Variants in DNAJC11 observed in about 807,000 individuals in gnomAD.
DNAJC11 encodes DnaJ heat shock protein family (Hsp40) member C11, also known as dnaJ homolog subfamily C member 11.
DNAJC11 carries 15 observed loss-of-function variants against 78.6 expected under a neutral mutation model. That is an observed-to-expected ratio of 0.19 (90% confidence interval 0.13 to 0.29). The LOEUF is 0.29. DNAJC11 is among the 10% of genes least tolerant of loss of function. The pLI, the probability that DNAJC11 is intolerant of heterozygous loss-of-function variation, is 1.00. For synonymous variants in DNAJC11, 292 were observed against 272.1 expected (o/e 1.07, Z -0.72); for missense variants, 547 against 709.6 (o/e 0.77, Z 2.60).
At chr1:6,649,330 C>T (rs1354632008) in intron 7 of DNAJC11, among the ~76,000 whole-genome samples, 2 of 151,982 alleles carry the variant, frequency 1.3e-5, no homozygotes, top group African/African-American at 4.8e-5. Flanking sequence ...CCACCGCTCC[C>T]GGCTAATTCT....
rs1040188589 is a variant in DNAJC11 at position 6,681,705 on chromosome 1, T to TG, written c.73-669dup. Among the ~76,000 whole-genome samples, 313 of 150,918 alleles carry TG rather than the reference T, an allele frequency of 2.1e-3. 1 individual carries two copies. Among genetic ancestry groups the TG allele is most frequent in the Middle Eastern group, 6.8e-3 (2 of 292 alleles). ...GGGCTCTGGTGTGCTTTAACCACAG[T>TG]GGGGGGGGCGGGTGCCAATGAGGCA... On this transcript the variant is annotated intron_variant, in intron 1 of 15. Transcript: ENST00000377577.
chr1:6,697,654 C>G (rs918474830), intron 1 of DNAJC11, among the ~76,000 whole-genome samples: 15 of 152,298 alleles, frequency 9.8e-5, no homozygotes, highest in African/African-American at 3.6e-4. Context: ...AAGCCACAGA[C>G]CAGTACTGGT....
rs77871375 is a variant in DNAJC11, at chr1:6,691,458, C to T, written c.72+10271G>A. Among the ~76,000 whole-genome samples, 1,106 of 152,186 alleles carry T rather than the reference C, an allele frequency of 7.3e-3. 9 individuals carry two copies. The highest frequency in any genetic ancestry group is 0.025 in the African/African-American group (1,039 of 41,500). Reference sequence around the variant, plus strand: ...TGAGACTAATAGAAAATCAAAAGGCCCCAGTCTCTAGAAACAAGCTCCAGA... The same window carrying T: ...TGAGACTAATAGAAAATCAAAAGGCTCCAGTCTCTAGAAACAAGCTCCAGA... On this transcript the variant is annotated intron_variant, in intron 1 of 15. Transcript: ENST00000377577.
intron 10 of DNAJC11, among the ~76,000 whole-genome samples, chr1:6,640,571 C>T (rs1011508687): frequency 6.6e-6 from 1 of 152,144 alleles, no homozygotes; most frequent in African/African-American, 2.4e-5. Context: ...GTGGCTCACG[C>T]CTGTAATCCC....
chr1:6,698,203 CT>C (rs1241417748), intron 1 of DNAJC11, among the ~76,000 whole-genome samples: 2 of 151,576 alleles, frequency 1.3e-5, no homozygotes, highest in Non-Finnish European at 2.9e-5. Context: ...TGAGGACACT[CT>C]TTTGAAGGTA....
chr1:6,644,850 C>T (rs1306812267), intron 9 of DNAJC11, among the ~76,000 whole-genome samples, 176 bp from the exon 10 acceptor site: 1 of 152,216 alleles, frequency 6.6e-6, no homozygotes, highest in Non-Finnish European at 1.5e-5. Flanking sequence ...TCTTCCACAA[C>T]ACTCTCTAAG....
intron 1 of DNAJC11, among the ~76,000 whole-genome samples, chr1:6,690,834 G>A (rs1045073419): frequency 2.0e-4 from 31 of 152,184 alleles, no homozygotes; most frequent in African/African-American, 6.5e-4. Context: ...TGAGGCAGGA[G>A]AATGGTGCAA....
chr1:6,693,737 G>A (rs553762293), intron 1 of DNAJC11, among the ~76,000 whole-genome samples: 159 of 151,910 alleles, frequency 1.0e-3, no homozygotes, highest in Non-Finnish European at 1.7e-3. Context: ...ACAAAGTCTC[G>A]CTCTGTCGCC....
Position 6,635,610 on chromosome 1 carries a change from TCCAAA to T in DNAJC11, c.*60_*64del. The stretch of plus-strand genomic sequence containing the variant: ...CATCTGATGTCTGGGTTTTTTCATT[TCCAAA>T]TTTGTAGACTCCCAGGAAAAGATTT... On this transcript the variant is annotated 3_prime_UTR_variant, in exon 16 of 16. Transcript: ENST00000377577. The T allele has an allele frequency of 1.3e-6, 2 of 1,567,176 alleles. No homozygotes were observed. The highest frequency in any genetic ancestry group is 1.8e-5 in the Admixed American group (1 of 55,618).
intron 1 of DNAJC11, among the ~76,000 whole-genome samples, chr1:6,692,343 T>C (rs1406318242): frequency 6.6e-6 from 1 of 151,802 alleles, no homozygotes; most frequent in East Asian, 1.9e-4. Context: ...TTCTCTAAAC[T>C]CCACTTCCCG....
intron 7 of DNAJC11, among the ~76,000 whole-genome samples, chr1:6,649,665 C>A (rs1001962890): frequency 1.3e-5 from 2 of 152,032 alleles, no homozygotes; most frequent in African/African-American, 2.4e-5. Context: ...CCCTGCAGAG[C>A]GTGGCAGGCA....
chr1:6,699,357 C>G (rs1642889332), intron 1 of DNAJC11, among the ~76,000 whole-genome samples: 1 of 152,170 alleles, frequency 6.6e-6, no homozygotes. Flanking sequence ...ATGACAGGCT[C>G]TACAGTTTCA....
chr1:6,668,025 T>C (rs1034396301), intron 3 of DNAJC11: 1 of 535,640 alleles, frequency 1.9e-6, no homozygotes, highest in Non-Finnish European at 3.3e-6. Flanking sequence ...CTTCCCAAGG[T>C]TGAAATGAGT....
intron 1 of DNAJC11, among the ~76,000 whole-genome samples, chr1:6,696,872 C>G (rs1325036440): frequency 6.6e-6 from 1 of 152,188 alleles, no homozygotes; most frequent in African/African-American, 2.4e-5. Flanking sequence ...GGTCTTCAAA[C>G]AGGTTACAAA....
intron 1 of DNAJC11, among the ~76,000 whole-genome samples, chr1:6,681,342 C>T (rs957252388): frequency 4.6e-5 from 7 of 152,124 alleles, no homozygotes; most frequent in East Asian, 1.9e-4. Context: ...GTCACAGAGA[C>T]GTGCTAACTC....
chr1:6,637,659 G>A, intron 12 of DNAJC11, 155 bp from the exon 13 acceptor site: 1 of 796,254 alleles, frequency 1.3e-6, no homozygotes, highest in Non-Finnish European at 2.1e-6. Context: ...TGCTACCCGA[G>A]TGGCTCACTC....
At chr1:6,693,881 C>T (rs1355904097) in intron 1 of DNAJC11, among the ~76,000 whole-genome samples, 1 of 148,888 alleles carries the variant, frequency 6.7e-6, no homozygotes, top group East Asian at 2.0e-4. Context: ...GCTCTGTTGC[C>T]CAGGCTGGAG....
At chr1:6,694,706 CTA>C (rs1642805273) in intron 1 of DNAJC11, among the ~76,000 whole-genome samples, 1 of 151,752 alleles carries the variant, frequency 6.6e-6, no homozygotes, top group Admixed American at 6.6e-5. Flanking sequence ...TGGCTCACAC[CTA>C]TAATCGCAGC....
chr1:6,682,475 C>A (rs1004709410), intron 1 of DNAJC11, among the ~76,000 whole-genome samples: 1 of 152,162 alleles, frequency 6.6e-6, no homozygotes, highest in African/African-American at 2.4e-5. Flanking sequence ...GTCCCACATG[C>A]CTGAGGGGGC....
Sources: allele counts gnomAD v4.1 joint callset (sites outside exome capture counted in the v4.1 genomes callset), GRCh38; gene constraint gnomAD v4.1.1; transcripts MANE v1.5; gene names NCBI Gene and HGNC (gene_info 2026-07-23, HGNC 2026-07-21).